Variants in CCSER1 observed in about 807,000 individuals in gnomAD.
CCSER1 encodes the protein coiled-coil serine rich protein 1.
In CCSER1, 41 loss-of-function variants were observed where a neutral mutation model predicts 82.0. The observed-to-expected ratio is 0.50, with a 90% confidence interval of 0.39 to 0.65. The LOEUF (loss-of-function observed/expected upper bound fraction) is 0.65, where lower values mean the gene tolerates loss of function less well. Ranked by LOEUF, CCSER1 falls within the 30% of genes least tolerant of loss-of-function variation. CCSER1 has a pLI of 0.00. For missense variants in CCSER1, 1,119 were observed against 1,064.2 expected (o/e 1.05, Z -0.72); for synonymous variants, 414 against 383.9 (o/e 1.08, Z -0.92).
intron 1 of CCSER1, among the ~76,000 whole-genome samples, chr4:90,225,068 T>C (rs1158128359): frequency 1.3e-5 from 2 of 152,014 alleles, no homozygotes; most frequent in Admixed American, 1.3e-4. Flanking sequence ...CCTTTTTTTT[T>C]TCTTTTTTAT....
At chr4:90,771,711 A>G (rs1425520791) in intron 7 of CCSER1, among the ~76,000 whole-genome samples, 1 of 152,018 alleles carries the variant, frequency 6.6e-6, no homozygotes, top group Non-Finnish European at 1.5e-5. Context: ...TTTTGAAGCT[A>G]TTTCATAGAT....
intron 8 of CCSER1, among the ~76,000 whole-genome samples, chr4:90,867,388 A>G (rs188704240): frequency 5.1e-4 from 78 of 152,256 alleles, no homozygotes; most frequent in African/African-American, 1.9e-3. Context: ...AAACATGCTT[A>G]CAGTTTTTTA....
At chr4:90,470,966 A>G (rs529577274) in intron 5 of CCSER1, among the ~76,000 whole-genome samples, 7 of 152,114 alleles carry the variant, frequency 4.6e-5, no homozygotes, top group African/African-American at 1.7e-4. Flanking sequence ...TGATTCCACA[A>G]TTGACATATT....
intron 10 of CCSER1, among the ~76,000 whole-genome samples, chr4:91,398,537 A>T (rs1752129703): frequency 6.6e-6 from 1 of 151,974 alleles, no homozygotes; most frequent in Non-Finnish European, 1.5e-5. Flanking sequence ...AAAAGCACAG[A>T]ATTAATTCAT....
intron 1 of CCSER1, among the ~76,000 whole-genome samples, chr4:90,273,662 T>C (rs1727014848): frequency 6.6e-6 from 1 of 152,090 alleles, no homozygotes; most frequent in African/African-American, 2.4e-5. Context: ...CTCGAACATA[T>C]AAAACTTTGC....
chr4:91,459,987 G>A (rs1371376255), intron 10 of CCSER1, among the ~76,000 whole-genome samples: 1 of 152,060 alleles, frequency 6.6e-6, no homozygotes, highest in African/African-American at 2.4e-5. Context: ...CTCAGCCACT[G>A]GCAGTGGCAA....
At chr4:90,148,059 G>T (rs1726144463) in intron 1 of CCSER1, among the ~76,000 whole-genome samples, 1 of 152,124 alleles carries the variant, frequency 6.6e-6, no homozygotes, top group African/African-American at 2.4e-5. Context: ...CAGCTACTTG[G>T]GATGCTGAGG....
chr4:90,918,870 G>A (rs1368114062), intron 8 of CCSER1, among the ~76,000 whole-genome samples: 2 of 151,544 alleles, frequency 1.3e-5, no homozygotes, highest in Admixed American at 1.3e-4. Flanking sequence ...TAATATCATT[G>A]CTATCAAAAG....
chr4:90,827,127 G>A (rs1447045674), intron 8 of CCSER1, among the ~76,000 whole-genome samples: 1 of 152,184 alleles, frequency 6.6e-6, no homozygotes, highest in Non-Finnish European at 1.5e-5. Context: ...TTAAGGTGTT[G>A]AGCATTAAAA....
chr4:90,937,944 C>G (rs1329172339), intron 9 of CCSER1, among the ~76,000 whole-genome samples: 1 of 152,066 alleles, frequency 6.6e-6, no homozygotes, highest in Non-Finnish European at 1.5e-5. Flanking sequence ...TTATAACTTA[C>G]CATCTTTGTA....
intron 10 of CCSER1, among the ~76,000 whole-genome samples, chr4:91,245,146 G>A (rs1739663376): frequency 6.6e-6 from 1 of 152,070 alleles, no homozygotes; most frequent in Admixed American, 6.5e-5. Context: ...GCAAGATCTG[G>A]AAAATAGCCT....
chr4:90,704,551 T>C (rs986254773), intron 6 of CCSER1, among the ~76,000 whole-genome samples: 2 of 152,220 alleles, frequency 1.3e-5, no homozygotes, highest in African/African-American at 4.8e-5. Context: ...TTCTCTTGGA[T>C]AATATCCTGC....
At chr4:90,974,442 G>GA (rs1307643118) in intron 9 of CCSER1, among the ~76,000 whole-genome samples, 1 of 150,088 alleles carries the variant, frequency 6.7e-6, no homozygotes, top group Non-Finnish European at 1.5e-5. Context: ...AAAGCTGGGA[G>GA]AATTGTGCTT....
intron 1 of CCSER1, among the ~76,000 whole-genome samples, chr4:90,302,113 G>T (rs80337217): frequency 6.6e-6 from 1 of 152,116 alleles, no homozygotes; most frequent in African/African-American, 2.4e-5. Context: ...ATTTATGTAG[G>T]TTTGAAATCC....
chr4:90,256,510 T>C (rs902857926), intron 1 of CCSER1, among the ~76,000 whole-genome samples: 1 of 152,144 alleles, frequency 6.6e-6, no homozygotes, highest in Admixed American at 6.5e-5. Context: ...CATTGCCCTT[T>C]CCCTGTCATA....
chr4:91,258,668 C>T (rs1740876177), intron 10 of CCSER1, among the ~76,000 whole-genome samples: 2 of 152,092 alleles, frequency 1.3e-5, no homozygotes, highest in African/African-American at 2.4e-5. Flanking sequence ...GTGAATATAA[C>T]TGAGTGATTT....
chr4:90,491,935 A>G (rs1365708262), intron 5 of CCSER1, among the ~76,000 whole-genome samples: 1 of 152,016 alleles, frequency 6.6e-6, no homozygotes, highest in Non-Finnish European at 1.5e-5. Flanking sequence ...TTTATTGAGG[A>G]TTTTTGCATC....
intron 10 of CCSER1, among the ~76,000 whole-genome samples, chr4:91,269,922 A>C (rs968547507): frequency 4.6e-5 from 7 of 152,194 alleles, no homozygotes; most frequent in Admixed American, 4.6e-4. Context: ...CAAATAAGCA[A>C]ACCAAATCCC....
At chr4:90,926,889 G>C (rs910896044) in intron 9 of CCSER1, among the ~76,000 whole-genome samples, 1 of 152,030 alleles carries the variant, frequency 6.6e-6, no homozygotes, top group African/African-American at 2.4e-5. Flanking sequence ...ATGTAGTTAA[G>C]TAGCATTGCT....
Sources: gnomAD v4.1 joint callset for allele counts (sites outside exome capture counted in the v4.1 genomes callset) on GRCh38, gnomAD v4.1.1 for gene constraint, MANE v1.5 for transcripts, NCBI Gene and HGNC (gene_info 2026-07-23, HGNC 2026-07-21) for gene names.